CMSS1: variants seen among roughly 807,000 people sequenced by gnomAD.
CMSS1 encodes protein CMSS1.
In CMSS1, 33 loss-of-function variants were observed where a neutral mutation model predicts 43.5. The observed-to-expected ratio is 0.76, with a 90% CI of 0.57 to 1.01. CMSS1 has a LOEUF of 1.01. Ranked by LOEUF, CMSS1 falls within the 50% of genes least tolerant of loss-of-function variation. The pLI, the probability that CMSS1 is intolerant of heterozygous loss-of-function variation, is 0.00. For missense variants in CMSS1, 313 were observed against 326.4 expected (o/e 0.96, Z 0.32); for synonymous variants, 115 against 117.2 (o/e 0.98, Z 0.12).
chr3:100,006,892 A>G (rs1710004216), intron 1 of CMSS1, among the ~76,000 whole-genome samples: 1 of 152,236 alleles, frequency 6.6e-6, no homozygotes, highest in South Asian at 2.1e-4. Flanking sequence ...AAATTGAACT[A>G]TCTCTAATAT....
intron 1 of CMSS1, among the ~76,000 whole-genome samples, chr3:99,983,348 AC>A (rs1709183713): frequency 6.9e-6 from 1 of 145,860 alleles, no homozygotes; most frequent in Admixed American, 7.0e-5. Context: ...AGCCTGGCCA[AC>A]ATGGTGAAAC....
chr3:99,906,681 C>CT (rs1706628014), intron 1 of CMSS1, among the ~76,000 whole-genome samples: 2 of 152,152 alleles, frequency 1.3e-5, no homozygotes, highest in Non-Finnish European at 2.9e-5. Flanking sequence ...TTCCTCAAAA[C>CT]TTTAATTGTC....
At chr3:99,920,204 A>G (rs1559688150) in intron 1 of CMSS1, among the ~76,000 whole-genome samples, 1 of 152,222 alleles carries the variant, frequency 6.6e-6, no homozygotes, top group Non-Finnish European at 1.5e-5. Flanking sequence ...TGGATAGCAT[A>G]CATAGTTTGT....
intron 1 of CMSS1, among the ~76,000 whole-genome samples, chr3:99,876,758 G>C (rs1007559803): frequency 2.6e-5 from 4 of 152,110 alleles, no homozygotes; most frequent in African/African-American, 9.7e-5. Context: ...GGAAAGGCCA[G>C]ATGAAATCTT....
chr3:99,993,308 T>C (rs958915915), intron 1 of CMSS1, among the ~76,000 whole-genome samples: 65 of 152,258 alleles, frequency 4.3e-4, no homozygotes, highest in African/African-American at 1.4e-3. Context: ...GTTTATGTCA[T>C]CTACAACTTC....
chr3:99,832,397 A>C (rs2107486494), intron 1 of CMSS1, among the ~76,000 whole-genome samples: 1 of 150,390 alleles, frequency 6.6e-6, no homozygotes, highest in South Asian at 2.1e-4. Context: ...CGCCCGGCTA[A>C]TTTTTTGTAT....
Position 99,849,750 on chromosome 3 carries a change from C to T in CMSS1, c.64+31707C>T, listed in dbSNP as rs374810121. On this transcript the variant is annotated intron_variant, in intron 1 of 9. Transcript: ENST00000421999. ...TCATGAGGTCATCCTCAATGGCTTT[C>T]ATGTCCTTTAGCTTCAGTTTCAGTC... 4 of 1,613,700 alleles carry T rather than the reference C, an allele frequency of 2.5e-6. No homozygotes were observed. In the African/African-American group the frequency reaches 5.3e-5, roughly 22 times the overall value.
chr3:100,054,844 G>C lies in CMSS1; in HGVS notation c.65-92129G>C, dbSNP rs151225590. 2.4e-3 allele frequency among the ~76,000 whole-genome samples: 363 copies of C among 152,260 alleles called. 10 individuals are homozygous for C. Among genetic ancestry groups the C allele is most frequent in the Non-Finnish European group, 6.3e-4 (43 of 68,024 alleles). ...ATCACTGGTGTCACAGTTGAGTTCA[G>C]ATGCAAAAACTGAAATGTTCAGAAG... On this transcript the variant is annotated intron_variant, in intron 1 of 9. Coordinates refer to ENST00000421999, the MANE Select transcript of CMSS1 (RefSeq NM_032359.4).
At chr3:99,980,412 T>C (rs1377266939) in intron 1 of CMSS1, among the ~76,000 whole-genome samples, 2 of 152,156 alleles carry the variant, frequency 1.3e-5, no homozygotes, top group Non-Finnish European at 2.9e-5. Flanking sequence ...ATCAGATATG[T>C]TAGGTAACTG....
chr3:100,013,161 G>A (rs368850249), intron 1 of CMSS1, among the ~76,000 whole-genome samples: 1 of 152,016 alleles, frequency 6.6e-6, no homozygotes, highest in East Asian at 1.9e-4. Flanking sequence ...GTTGGCATGA[G>A]CTACCATGCC....
intron 1 of CMSS1, among the ~76,000 whole-genome samples, chr3:99,896,914 C>T (rs793461): frequency 0.27 from 40,322 of 152,064 alleles, 6,049 homozygotes; most frequent in Admixed American, 0.34. Flanking sequence ...TTTCCACTCA[C>T]CTGTCATACA....
At chr3:100,155,127 C>T (rs1418282262) in intron 2 of CMSS1, among the ~76,000 whole-genome samples, 4 of 152,170 alleles carry the variant, frequency 2.6e-5, no homozygotes, top group Non-Finnish European at 5.9e-5. Flanking sequence ...AATCTACTGA[C>T]ATCCTGACAT....
chr3:99,969,889 T>C (rs1169240616), intron 1 of CMSS1, among the ~76,000 whole-genome samples: 3 of 152,144 alleles, frequency 2.0e-5, no homozygotes, highest in Admixed American at 2.0e-4. Context: ...GAATAAGTGT[T>C]ATGGAGGGAC....
intron 6 of CMSS1, among the ~76,000 whole-genome samples, chr3:100,169,201 A>T (rs1193936381): frequency 6.6e-6 from 1 of 152,226 alleles, no homozygotes; most frequent in Non-Finnish European, 1.5e-5. Flanking sequence ...TAAAAACTTA[A>T]AGGTAAAGAT....
At chr3:100,168,894 TATATATATACAC>T (rs1206815798) in intron 6 of CMSS1, among the ~76,000 whole-genome samples, 3 of 133,678 alleles carry the variant, frequency 2.2e-5, no homozygotes, top group African/African-American at 8.3e-5. Context: ...CACACACACA[TATATATATACAC>T]ATATATATAC....
At chr3:100,088,345 A>G (rs1437678669) in intron 1 of CMSS1, among the ~76,000 whole-genome samples, 1 of 152,200 alleles carries the variant, frequency 6.6e-6, no homozygotes, top group East Asian at 1.9e-4. Flanking sequence ...ACATTATGGA[A>G]TACAGATACC....
At chr3:99,845,993 A>G (rs1943346446) in intron 1 of CMSS1, among the ~76,000 whole-genome samples, 1 of 152,252 alleles carries the variant, frequency 6.6e-6, no homozygotes, top group Non-Finnish European at 1.5e-5. Context: ...CATTATCATA[A>G]TAGAACACAA....
At chr3:100,163,101 A>G (rs569476371) in intron 4 of CMSS1, among the ~76,000 whole-genome samples, 13 of 152,340 alleles carry the variant, frequency 8.5e-5, no homozygotes, top group South Asian at 2.1e-4. Context: ...TGTCAAATCT[A>G]ATATTAAGAT....
At chr3:100,016,534 G>A (rs1260969903) in intron 1 of CMSS1, among the ~76,000 whole-genome samples, 1 of 152,156 alleles carries the variant, frequency 6.6e-6, no homozygotes, top group Non-Finnish European at 1.5e-5. Context: ...AAGACTGGCA[G>A]ACTTCTGTGA....
Sources: gnomAD v4.1 joint callset for allele counts (sites outside exome capture counted in the v4.1 genomes callset) on GRCh38, gnomAD v4.1.1 for gene constraint, MANE v1.5 for transcripts, NCBI Gene and HGNC (gene_info 2026-07-23, HGNC 2026-07-21) for gene names.